The following CCR7 variants were observed in gnomAD, a reference collection of about 807,000 sequenced individuals.
CCR7 encodes C-C motif chemokine receptor 7.
A neutral mutation model predicts 26.0 loss-of-function variants in CCR7; 11 were observed. The ratio of observed to expected loss-of-function variants is 0.42; its 90% CI spans 0.27 to 0.70. The LOEUF (loss-of-function observed/expected upper bound fraction) is 0.70, where lower values mean the gene tolerates loss of function less well. Among genes scored for constraint, CCR7 ranks in the 30% least tolerant of loss-of-function variants. The pLI, the probability that CCR7 is intolerant of heterozygous loss-of-function variation, is 0.23. For missense variants in CCR7, 360 were observed against 504.0 expected (o/e 0.71, Z 2.74); for synonymous variants, 189 against 202.1 (o/e 0.94, Z 0.55).
chr17:40,563,627 C>T (rs1206874799), intron 1 of CCR7, among the ~76,000 whole-genome samples: 1 of 152,154 alleles, frequency 6.6e-6, no homozygotes, highest in East Asian at 1.9e-4. Context: ...ATCAACGGCC[C>T]AGAGAGCCCG....
rs767218654 is a variant in CCR7, at chr17:40,555,001, A to G, written c.878T>C (p.Ile293Thr). 3 of 1,614,178 alleles carry G rather than the reference A, an allele frequency of 1.9e-6. No individual in the cohort carries two copies. Among genetic ancestry groups the G allele is most frequent in the Non-Finnish European group, 2.5e-6 (3 of 1,180,032 alleles). The change falls in exon 3 of 3, where the codon ATC (isoleucine) becomes ACC (threonine). Residue 293 changes from isoleucine (I) to threonine (T), a missense_variant. Ile to Thr is a moderately conservative substitution (Grantham distance 89, BLOSUM62 -1). Transcript: ENST00000246657. This position sits in a 1 kb window ranked among gnomAD's most constrained non-coding sequence, Gnocchi z 5.6. ...VLAQTVANFN[I>T]TSSTCELSKQ... ...ACTGAGCTCACAGGTGCTACTGGTG[A>G]TGTTGAAGTTGGCCACCGTCTGGGC...
intron 2 of CCR7, among the ~76,000 whole-genome samples, chr17:40,558,616 T>C (rs534174292): frequency 1.6e-4 from 25 of 152,294 alleles, no homozygotes; most frequent in South Asian, 8.3e-4. Flanking sequence ...TATTTCTGTC[T>C]CCTGGGCAGG....
chr17:40,556,318 C>T (rs956353673), intron 2 of CCR7, among the ~76,000 whole-genome samples: 1 of 152,174 alleles, frequency 6.6e-6, no homozygotes, highest in Non-Finnish European at 1.5e-5. Context: ...CAAATTTTAA[C>T]TCCAATACGC....
intron 1 of CCR7, among the ~76,000 whole-genome samples, chr17:40,564,076 C>A (rs2036681482): frequency 6.7e-6 from 1 of 150,020 alleles, no homozygotes; most frequent in Non-Finnish European, 1.5e-5. Flanking sequence ...TGGGTGACGT[C>A]TGTACTGTGG....
intron 2 of CCR7, among the ~76,000 whole-genome samples, chr17:40,557,781 C>T (rs1682826974): frequency 6.6e-6 from 1 of 152,338 alleles, no homozygotes; most frequent in East Asian, 1.9e-4. Flanking sequence ...CCTCCCCTAG[C>T]CTCACTGCCT....
Position 40,555,486 on chromosome 17 carries a change from G to A in CCR7, c.393C>T (p.Leu131=). 1.2e-6 allele frequency: 2 copies of A among 1,614,064 alleles called. No individual in the cohort carries two copies. The highest frequency in any genetic ancestry group is 1.7e-6 in the Non-Finnish European group (2 of 1,180,040). ...SWVFGVHFCK[L]IFAIYKMSFF... Reference sequence around the variant, plus strand: ...AGCTCATCTTGTAGATGGCAAAGATGAGCTTGCAAAAGTGGACACCGAAGA... The same window carrying A: ...AGCTCATCTTGTAGATGGCAAAGATAAGCTTGCAAAAGTGGACACCGAAGA... Residue 131 remains leucine, a synonymous_variant, in exon 3 of 3, where the codon CTC becomes CTT. Transcript: ENST00000246657. The surrounding 1 kb of genome is among the most constrained non-coding windows in gnomAD (Gnocchi z 5.6).
At chr17:40,564,593 C>T (rs2036688665) in intron 1 of CCR7, among the ~76,000 whole-genome samples, 1 of 152,230 alleles carries the variant, frequency 6.6e-6, no homozygotes, top group African/African-American at 2.4e-5. Context: ...CCACTCAGAA[C>T]ACCCTCAGTG....
intron 1 of CCR7, chr17:40,560,808 G>A (rs2036647139): frequency 6.6e-6 from 1 of 152,204 alleles, no homozygotes; most frequent in Non-Finnish European, 1.5e-5. Flanking sequence ...TCTGGGGACA[G>A]GCAGCCGCTG....
rs2036567473 is a variant in CCR7, at chr17:40,555,074, C to T, written c.805G>A (p.Val269Ile). 1 of 1,614,192 alleles carries T rather than the reference C, an allele frequency of 6.2e-7. No homozygotes were observed. The highest frequency in any genetic ancestry group is 1.1e-5 in the South Asian group (1 of 91,088). ...NKAIKVIIAV[V>I]VVFIVFQLPY... ...AGCTGGAAGACTATGAAGACCACGA[C>T]CACAGCGATGATCACCTTGATGGCC... Residue 269 changes from valine to isoleucine, a missense_variant, in exon 3 of 3, where the codon GTC becomes ATC. Physicochemically the swap from Val to Ile is conservative, Grantham distance 29. Transcript: ENST00000246657. The surrounding 1 kb of genome is among the most constrained non-coding windows in gnomAD (Gnocchi z 5.6).
chr17:40,557,087 T>C (rs1372482766), intron 2 of CCR7, among the ~76,000 whole-genome samples: 2 of 152,110 alleles, frequency 1.3e-5, no homozygotes, highest in Non-Finnish European at 2.9e-5. Context: ...GCTCCCGCCC[T>C]CTCCCCCCAC....
At chr17:40,559,193 G>A (rs2036626966) in intron 1 of CCR7, among the ~76,000 whole-genome samples, 1 of 152,180 alleles carries the variant, frequency 6.6e-6, no homozygotes, top group African/African-American at 2.4e-5. Flanking sequence ...AGAATGCAGG[G>A]CAGCCCCTCC....
Position 40,555,891 on chromosome 17 carries a change from A to G in CCR7, c.61-73T>C, listed in dbSNP as rs1385541829. On this transcript the variant is annotated intron_variant, in intron 2 of 2. Coordinates refer to ENST00000246657, the MANE Select transcript of CCR7 (RefSeq NM_001838.4). The surrounding 1 kb of genome is among the most constrained non-coding windows in gnomAD (Gnocchi z 5.6). ...TCCAACTCTGGCTGGGATTTAGCCT[A>G]GAGCAGTGGTTTCTTTCTTTTTTTT... 1 of 1,003,218 alleles carries G rather than the reference A, an allele frequency of 1.0e-6. No homozygotes were observed. The highest frequency in any genetic ancestry group is 2.4e-5 in the East Asian group (1 of 41,872). 62.1% of individuals were successfully genotyped at this position (1,003,218 alleles called of 1,614,324 possible).
In CCR7 at chr17:40,554,713, G is replaced by C; in HGVS notation, c.*29C>G. On this transcript the variant is annotated 3_prime_UTR_variant, in exon 3 of 3. Coordinates refer to ENST00000246657, the MANE Select transcript of CCR7 (RefSeq NM_001838.4). ...TCCCCACCCCAGGGACCCTGGGAGAGGTCCCTCTAGTCCAGGCAGAAGAGT... is the reference window on the plus strand; with the variant it reads ...TCCCCACCCCAGGGACCCTGGGAGACGTCCCTCTAGTCCAGGCAGAAGAGT... The C allele has an allele frequency of 6.5e-7, 1 of 1,536,388 alleles. No individual in the cohort carries two copies. Among genetic ancestry groups the C allele is most frequent in the Non-Finnish European group, 8.8e-7 (1 of 1,132,750 alleles).
At position 40,555,908 on chromosome 17, in the gene CCR7, CT is replaced by C. The variant is rs372297045; in HGVS notation, c.61-91del. On this transcript the variant is annotated intron_variant, in intron 2 of 2. Coordinates refer to ENST00000246657, the MANE Select transcript of CCR7 (RefSeq NM_001838.4). The surrounding 1 kb of genome is among the most constrained non-coding windows in gnomAD (Gnocchi z 5.6). The stretch of plus-strand genomic sequence containing the variant: ...TTTAGCCTAGAGCAGTGGTTTCTTT[CT>C]TTTTTTTTTTTCTTGAGACATGGTC... 26,698 of 635,366 alleles carry C rather than the reference CT, an allele frequency of 0.042. 1 individual carries two copies. Among genetic ancestry groups the C allele is most frequent in the East Asian group, 0.056 (1,673 of 29,860 alleles). 39.4% of individuals were successfully genotyped at this position (635,366 alleles called of 1,614,324 possible).
At position 40,565,445 on chromosome 17, in the gene CCR7, T is replaced by A. The variant is rs757928589; in HGVS notation, c.-36A>T. 19 of 1,611,778 alleles carry A rather than the reference T, an allele frequency of 1.2e-5. No homozygotes were observed. Among genetic ancestry groups the A allele is most frequent in the Non-Finnish European group, 1.6e-5 (19 of 1,177,968 alleles). On this transcript the variant is annotated 5_prime_UTR_variant, in exon 1 of 3. Coordinates refer to ENST00000246657, the MANE Select transcript of CCR7 (RefSeq NM_001838.4). ...GGGCGGTAAAACCACACAGGAAGGC[T>A]GTGCCCGGCCTCGCACTACCCCTGT...
chr17:40,558,660 T>C (rs1210781323), intron 2 of CCR7, among the ~76,000 whole-genome samples: 2 of 152,156 alleles, frequency 1.3e-5, no homozygotes, highest in East Asian at 3.8e-4. Context: ...GGTGGTAAGT[T>C]ATTTTCCCCC....
At position 40,554,763 on chromosome 17, in the gene CCR7, G is replaced by T; in HGVS notation, c.1116C>A (p.Thr372=). The change falls in exon 3 of 3, where the codon ACC becomes ACA. Residue 372 remains threonine, a synonymous_variant. Coordinates refer to ENST00000246657, the MANE Select transcript of CCR7 (RefSeq NM_001838.4). ...TCGCCTATGGGGAGAAGGTGGTGGTGGTCTCGGCCTCCACACTCATGGAGG... is the reference window on the plus strand; with the variant it reads ...TCGCCTATGGGGAGAAGGTGGTGGTTGTCTCGGCCTCCACACTCATGGAGG... ...RRSSMSVEAE[T]TTTFSP 1 of 1,610,586 alleles carries T rather than the reference G, an allele frequency of 6.2e-7. No individual in the cohort carries two copies. The highest frequency in any genetic ancestry group is 8.5e-7 in the Non-Finnish European group (1 of 1,177,868).
chr17:40,558,137 G>A (rs1294469219), intron 2 of CCR7, among the ~76,000 whole-genome samples: 22 of 152,176 alleles, frequency 1.4e-4, no homozygotes, highest in Admixed American at 1.4e-3. Context: ...TGCCTCTCTA[G>A]CTCTGGCCTC....
rs1288298844 is a variant in CCR7, at chr17:40,555,459, G to A, written c.420C>T (p.Phe140=). Residue 140 remains phenylalanine, a synonymous_variant, in exon 3 of 3, where the codon TTC becomes TTT. Coordinates refer to ENST00000246657, the MANE Select transcript of CCR7 (RefSeq NM_001838.4). This position sits in a 1 kb window ranked among gnomAD's most constrained non-coding sequence, Gnocchi z 5.6. ...KLIFAIYKMS[F]FSGMLLLLCI... ...AAAGAAGTAGGAGCATGCCACTGAA[G>A]AAGCTCATCTTGTAGATGGCAAAGA... is the stretch of plus-strand genomic sequence containing the variant. 6.2e-7 allele frequency: 1 copy of A among 1,613,974 alleles called. No individual in the cohort carries two copies. The highest frequency in any genetic ancestry group is 8.5e-7 in the Non-Finnish European group (1 of 1,180,030).
Sources: allele counts gnomAD v4.1 joint callset (sites outside exome capture counted in the v4.1 genomes callset), GRCh38; gene constraint gnomAD v4.1.1; non-coding constraint Gnocchi (gnomAD v3.1); transcripts MANE v1.5; gene names NCBI Gene and HGNC (gene_info 2026-07-23, HGNC 2026-07-21).